The following LEKR1 variants were observed in gnomAD, a reference collection of about 807,000 sequenced individuals.
The protein encoded by LEKR1 is leucine, glutamate and lysine rich 1.
Under a neutral mutation model 72.4 loss-of-function variants are expected in LEKR1, and 59 were observed. That is an observed-to-expected ratio of 0.82 (90% CI 0.66 to 1.01). The LOEUF is 1.01. Among genes scored for constraint, LEKR1 ranks in the 50% least tolerant of loss-of-function variants. The pLI is 0.00. For synonymous variants in LEKR1, 257 were observed against 263.2 expected (o/e 0.98, Z 0.23); for missense variants, 728 against 759.2 (o/e 0.96, Z 0.48).
intron 1 of LEKR1, 113 bp from the exon 2 acceptor site, chr3:156,829,173 T>C: frequency 3.6e-6 from 2 of 560,602 alleles, no homozygotes; most frequent in Admixed American, 6.6e-5. Flanking sequence ...TAAGCATCTG[T>C]TGAAACAGTT....
intron 3 of LEKR1, among the ~76,000 whole-genome samples, chr3:156,855,676 A>T (rs893557211): frequency 5.3e-5 from 8 of 152,144 alleles, no homozygotes; most frequent in African/African-American, 1.9e-4. Flanking sequence ...GTTGCAAACA[A>T]TGGAAACTTA....
intron 4 of LEKR1, among the ~76,000 whole-genome samples, chr3:156,926,364 T>C (rs1013964977): frequency 1.3e-5 from 2 of 152,058 alleles, no homozygotes; most frequent in African/African-American, 4.8e-5. Context: ...AGAATTTGTG[T>C]GGCATTACTG....
chr3:156,994,377 A>G (rs1731379522), intron 9 of LEKR1, among the ~76,000 whole-genome samples: 1 of 152,130 alleles, frequency 6.6e-6, no homozygotes, highest in African/African-American at 2.4e-5. Context: ...TGTGTAGTTC[A>G]TAGGGAAACA....
At chr3:156,970,786 T>C (rs1729101884) in intron 6 of LEKR1, among the ~76,000 whole-genome samples, 1 of 151,980 alleles carries the variant, frequency 6.6e-6, no homozygotes, top group African/African-American at 2.4e-5. Context: ...TTACAAGGGA[T>C]GTGAAGGACC....
chr3:156,990,690 C>G (rs1443895185), intron 7 of LEKR1, among the ~76,000 whole-genome samples: 4 of 152,140 alleles, frequency 2.6e-5, no homozygotes, highest in African/African-American at 9.7e-5. Context: ...TATTTTGGTG[C>G]TCCGATTGTT....
intron 3 of LEKR1, among the ~76,000 whole-genome samples, chr3:156,913,718 G>T (rs866137725): frequency 7.2e-5 from 11 of 152,102 alleles, no homozygotes; most frequent in Admixed American, 3.9e-4. Context: ...TTAATTCCCA[G>T]AACTTTGTCA....
chr3:157,037,092 T>C (rs1394170201), intron 12 of LEKR1, among the ~76,000 whole-genome samples: 1 of 152,154 alleles, frequency 6.6e-6, no homozygotes. Context: ...GCAGCATCTG[T>C]TGGGAATTGG....
chr3:156,990,326 T>C (rs2108007848), intron 7 of LEKR1, among the ~76,000 whole-genome samples: 1 of 152,326 alleles, frequency 6.6e-6, no homozygotes, highest in Non-Finnish European at 1.5e-5. Context: ...ATGATGTTAA[T>C]TTTGATCACC....
intron 9 of LEKR1, among the ~76,000 whole-genome samples, chr3:157,005,085 A>G (rs1447026567): frequency 6.6e-6 from 1 of 152,048 alleles, no homozygotes; most frequent in African/African-American, 2.4e-5. Flanking sequence ...TACTAATATC[A>G]GAAATAAGAG....
At chr3:156,941,462 C>T (rs1203638793) in intron 5 of LEKR1, among the ~76,000 whole-genome samples, 1 of 152,076 alleles carries the variant, frequency 6.6e-6, no homozygotes, top group Non-Finnish European at 1.5e-5. Context: ...GGCCAAATTA[C>T]CTCTACTGCA....
chr3:157,027,137 T>G (rs116831735), intron 11 of LEKR1, among the ~76,000 whole-genome samples: 2,713 of 152,270 alleles, frequency 0.018, 78 homozygotes, highest in African/African-American at 0.062. Context: ...TTTTGAGAGC[T>G]ATGGTTAGAG....
chr3:156,870,787 A>G (rs62275177), intron 3 of LEKR1, among the ~76,000 whole-genome samples: 4,838 of 152,184 alleles, frequency 0.032, 117 homozygotes, highest in Non-Finnish European at 0.047. Flanking sequence ...GCTCTTCCCC[A>G]TTCAGAATGA....
At chr3:156,841,218 G>A (rs959590531) in intron 2 of LEKR1, among the ~76,000 whole-genome samples, 2 of 152,222 alleles carry the variant, frequency 1.3e-5, no homozygotes, top group Non-Finnish European at 2.9e-5. Context: ...TATTTCCACA[G>A]GCAGCGGGTA....
chr3:156,871,795 T>C (rs539698205), intron 3 of LEKR1, among the ~76,000 whole-genome samples: 8 of 152,288 alleles, frequency 5.3e-5, no homozygotes, highest in African/African-American at 1.9e-4. Flanking sequence ...TTCCATTTGA[T>C]TATGATGTAT....
chr3:156,914,280 G>A (rs140447386), intron 3 of LEKR1, among the ~76,000 whole-genome samples: 7,166 of 151,184 alleles, frequency 0.047, 227 homozygotes, highest in Non-Finnish European at 0.073. Flanking sequence ...CATTATCTAC[G>A]TTAGGTATTT....
chr3:156,925,415 A>G (rs533956726), intron 4 of LEKR1, among the ~76,000 whole-genome samples: 46 of 151,488 alleles, frequency 3.0e-4, no homozygotes, highest in Non-Finnish European at 5.7e-4. Flanking sequence ...ATTTAGTTGT[A>G]TTTACCCTTA....
chr3:156,871,354 CATT>C (rs912224955), intron 3 of LEKR1, among the ~76,000 whole-genome samples: 21 of 152,142 alleles, frequency 1.4e-4, no homozygotes, highest in Non-Finnish European at 2.8e-4. Flanking sequence ...TCCAGTCTAT[CATT>C]GTTGGACATT....
At chr3:156,853,701 G>C (rs1342307905) in intron 3 of LEKR1, among the ~76,000 whole-genome samples, 1 of 151,888 alleles carries the variant, frequency 6.6e-6, no homozygotes, top group East Asian at 1.9e-4. Context: ...ATTAAATTTT[G>C]TTACAGAATT....
At chr3:156,838,829 A>C (rs1324556584) in intron 2 of LEKR1, among the ~76,000 whole-genome samples, 1 of 152,198 alleles carries the variant, frequency 6.6e-6, no homozygotes, top group Non-Finnish European at 1.5e-5. Flanking sequence ...GATCCCAGAC[A>C]GACCCCCAAA....
Sources: allele counts gnomAD v4.1 joint callset (sites outside exome capture counted in the v4.1 genomes callset), GRCh38; gene constraint gnomAD v4.1.1; transcripts MANE v1.5; gene names NCBI Gene and HGNC (gene_info 2026-07-23, HGNC 2026-07-21).